CTNNA2: variants seen among roughly 807,000 people sequenced by gnomAD.
CTNNA2 encodes catenin alpha-2.
Under a neutral mutation model 101.0 loss-of-function variants are expected in CTNNA2, and 42 were observed. That is an observed-to-expected ratio of 0.42 (90% CI 0.32 to 0.54). The LOEUF (loss-of-function observed/expected upper bound fraction) is 0.54, where lower values mean the gene tolerates loss of function less well. Among genes scored for constraint, CTNNA2 ranks in the 20% least tolerant of loss-of-function variants. The pLI is 0.14. For synonymous variants in CTNNA2, 450 were observed against 456.4 expected (o/e 0.99, Z 0.18); for missense variants, 871 against 1,223.1 (o/e 0.71, Z 4.29).
At chr2:79,301,976 C>T (rs934922560) in intron 2 of CTNNA2, among the ~76,000 whole-genome samples, 2 of 151,890 alleles carry the variant, frequency 1.3e-5, no homozygotes, top group Non-Finnish European at 2.9e-5. Context: ...TCCTGTAATC[C>T]CAGCTACTCA....
At chr2:80,200,875 T>C (rs545774686) in intron 7 of CTNNA2, among the ~76,000 whole-genome samples, 4 of 151,702 alleles carry the variant, frequency 2.6e-5, no homozygotes, top group Admixed American at 1.3e-4. Flanking sequence ...TTGGTTTTTT[T>C]TTTTCCTGTA....
At chr2:80,450,893 C>T (rs1257897120) in intron 9 of CTNNA2, among the ~76,000 whole-genome samples, 1 of 151,962 alleles carries the variant, frequency 6.6e-6, no homozygotes, top group Admixed American at 6.6e-5. Flanking sequence ...TTGAGAGGAA[C>T]AATTCTATTT....
At chr2:79,876,965 A>G (rs899185330) in intron 6 of CTNNA2, among the ~76,000 whole-genome samples, 17 of 152,118 alleles carry the variant, frequency 1.1e-4, no homozygotes, top group Admixed American at 7.9e-4. Context: ...TGGAAAAATT[A>G]AAATATAAAG....
At chr2:79,600,374 C>T (rs867310361) in intron 1 of CTNNA2, among the ~76,000 whole-genome samples, 1 of 151,838 alleles carries the variant, frequency 6.6e-6, no homozygotes, top group Non-Finnish European at 1.5e-5. Flanking sequence ...GACAGGGTTT[C>T]GCCCTGTTGA....
intron 3 of CTNNA2, among the ~76,000 whole-genome samples, chr2:79,764,412 A>G (rs984105012): frequency 6.6e-6 from 1 of 152,242 alleles, no homozygotes; most frequent in African/African-American, 2.4e-5. Flanking sequence ...TTTTTACATT[A>G]GCAATAAGTA....
intron 7 of CTNNA2, among the ~76,000 whole-genome samples, chr2:80,380,174 T>C (rs545306369): frequency 4.4e-4 from 67 of 151,942 alleles, no homozygotes; most frequent in African/African-American, 1.4e-3. Context: ...GTAGCTGGGA[T>C]TACAGGTGCC....
At chr2:80,289,406 C>T (rs921471258) in intron 7 of CTNNA2, among the ~76,000 whole-genome samples, 8 of 152,226 alleles carry the variant, frequency 5.3e-5, no homozygotes, top group South Asian at 2.1e-4. Context: ...CCCCAGTTCT[C>T]GCCTCTTTAG....
intron 2 of CTNNA2, among the ~76,000 whole-genome samples, chr2:79,207,240 G>A (rs1674111205): frequency 6.6e-6 from 1 of 152,184 alleles, no homozygotes; most frequent in East Asian, 1.9e-4. Flanking sequence ...GCAAAACTGA[G>A]TATTAATTCT....
intron 3 of CTNNA2, among the ~76,000 whole-genome samples, chr2:79,833,559 C>T (rs1558563722): frequency 6.6e-6 from 1 of 152,124 alleles, no homozygotes; most frequent in Non-Finnish European, 1.5e-5. Context: ...TGAAATCATC[C>T]TAGAAGGCTG....
intron 9 of CTNNA2, among the ~76,000 whole-genome samples, chr2:80,441,841 G>A (rs1682611068): frequency 6.6e-6 from 1 of 152,198 alleles, no homozygotes; most frequent in Non-Finnish European, 1.5e-5. Context: ...TGATTCAGAA[G>A]AGGCAAGAGG....
chr2:79,210,685 C>G (rs1254697203), intron 2 of CTNNA2, among the ~76,000 whole-genome samples: 1 of 152,096 alleles, frequency 6.6e-6, no homozygotes. Context: ...AGTGTCTACT[C>G]TAGTTGGTTG....
intron 4 of CTNNA2, among the ~76,000 whole-genome samples, chr2:79,447,402 C>A (rs564564479): frequency 1.3e-5 from 2 of 151,976 alleles, no homozygotes; most frequent in Non-Finnish European, 2.9e-5. Context: ...TGCAATAACA[C>A]AACTTTGGAA....
intron 2 of CTNNA2, among the ~76,000 whole-genome samples, chr2:79,198,233 A>G (rs1673988103): frequency 6.6e-6 from 1 of 152,212 alleles, no homozygotes; most frequent in Non-Finnish European, 1.5e-5. Flanking sequence ...GATATACACC[A>G]AATTTTTAAC....
At chr2:80,619,266 G>T in intron 18 of CTNNA2, 38 bp downstream of exon 18, 1 of 1,463,934 alleles carries the variant, frequency 6.8e-7, no homozygotes. Flanking sequence ...GTCTTTCATT[G>T]TAATCATGAA....
rs531910485 is a variant in CTNNA2, at chr2:79,577,353, ATG to A, written c.-6+64148_-6+64149del. Among the ~76,000 whole-genome samples the A allele has an allele frequency of 4.0e-3, 605 of 152,202 alleles. 1 individual carries two copies. Among genetic ancestry groups the A allele is most frequent in the African/African-American group, 0.014 (564 of 41,552 alleles). On this transcript the variant is annotated intron_variant, in intron 1 of 18. Transcript: ENST00000402739. ...TCAAAATATATTTAGAAATTAAACA[ATG>A]TAAGTTTAGTCAAGTTTCATGAGAT...
chr2:79,277,160 C>T (rs1478462885), intron 2 of CTNNA2, among the ~76,000 whole-genome samples: 2 of 152,138 alleles, frequency 1.3e-5, no homozygotes, highest in Non-Finnish European at 2.9e-5. Flanking sequence ...TAAACTCTCT[C>T]CCACCTCTGC....
chr2:79,242,978 A>G lies in CTNNA2; in HGVS notation c.-406+44902A>G, dbSNP rs1358550919. 1.9e-4 allele frequency among the ~76,000 whole-genome samples: 17 copies of G among 89,132 alleles called. No individual in the cohort carries two copies. In the South Asian group the frequency reaches 5.7e-3, roughly 30 times the overall value. 58.5% of individuals were successfully genotyped at this position (89,132 alleles called of 152,430 possible). On this transcript the variant is annotated intron_variant, in intron 2 of 21. Coordinates refer to the CTNNA2 transcript ENST00000466387. ...TAAGATCCTGTCTCGAAATATATAT[A>G]TATATATATATATATACACACACAC...
At chr2:79,635,547 A>C (rs1205573777) in intron 1 of CTNNA2, among the ~76,000 whole-genome samples, 1 of 151,278 alleles carries the variant, frequency 6.6e-6, no homozygotes, top group Non-Finnish European at 1.5e-5. Context: ...CTTGTCGCCC[A>C]GACTGGAGTG....
intron 3 of CTNNA2, among the ~76,000 whole-genome samples, chr2:79,797,634 C>T (rs188960614): frequency 5.1e-5 from 7 of 136,478 alleles, no homozygotes; most frequent in African/African-American, 8.7e-5. Context: ...GCACTCCAGC[C>T]TGGGTGACAG....
Sources: gnomAD v4.1 joint callset for allele counts (sites outside exome capture counted in the v4.1 genomes callset) on GRCh38, gnomAD v4.1.1 for gene constraint, MANE v1.5 for transcripts, NCBI Gene and HGNC (gene_info 2026-07-23, HGNC 2026-07-21) for gene names.